Variants in SPTLC3 observed in about 807,000 individuals in gnomAD.
SPTLC3 encodes serine palmitoyltransferase 3.
A neutral mutation model predicts 59.3 loss-of-function variants in SPTLC3; 36 were observed. That is an observed-to-expected ratio of 0.61 (90% CI 0.47 to 0.80). The LOEUF is 0.80. Ranked by LOEUF, SPTLC3 falls within the 30% of genes least tolerant of loss-of-function variation. The pLI, the probability that SPTLC3 is intolerant of heterozygous loss-of-function variation, is 0.00. For synonymous variants in SPTLC3, 257 were observed against 240.8 expected (o/e 1.07, Z -0.62); for missense variants, 625 against 685.1 (o/e 0.91, Z 0.98).
intron 4 of SPTLC3, chr20:13,079,602 G>A (rs1988768472): frequency 4.0e-6 from 1 of 249,538 alleles, no homozygotes; most frequent in African/African-American, 2.4e-5. Flanking sequence ...AATATGAAAT[G>A]CACTTGTGTG....
intron 6 of SPTLC3, among the ~76,000 whole-genome samples, chr20:13,102,601 G>A (rs531872574): frequency 6.6e-6 from 1 of 152,056 alleles, no homozygotes; most frequent in Non-Finnish European, 1.5e-5. Context: ...TCCATCTCCC[G>A]TACACCTCTC....
intron 1 of SPTLC3, among the ~76,000 whole-genome samples, chr20:13,034,666 G>A (rs6041781): frequency 0.14 from 21,409 of 152,050 alleles, 2,276 homozygotes; most frequent in African/African-American, 0.3. Flanking sequence ...GAGACCTTCA[G>A]TAAAATTTAA....
chr20:13,127,177 C>T (rs1425339571), intron 9 of SPTLC3, among the ~76,000 whole-genome samples: 1 of 152,238 alleles, frequency 6.6e-6, no homozygotes, highest in Admixed American at 6.5e-5. Flanking sequence ...ACAAAACACA[C>T]ACAATAAGCT....
intron 8 of SPTLC3, 88 bp from the exon 9 acceptor site, chr20:13,126,502 AT>A (rs1316453038): frequency 1.7e-5 from 25 of 1,456,376 alleles, no homozygotes; most frequent in Non-Finnish European, 2.3e-5. Flanking sequence ...GTCTTTTGCT[AT>A]GAGGATAGGG....
intron 1 of SPTLC3, among the ~76,000 whole-genome samples, chr20:13,040,231 AT>A (rs1171066604): frequency 6.6e-6 from 1 of 152,086 alleles, no homozygotes; most frequent in African/African-American, 2.4e-5. Context: ...CTCACATCCA[AT>A]TTCTTTGTGC....
intron 9 of SPTLC3, among the ~76,000 whole-genome samples, chr20:13,149,613 G>A (rs997254386): frequency 7.2e-5 from 11 of 152,362 alleles, no homozygotes; most frequent in Middle Eastern, 3.4e-3. Context: ...CAACCACAAA[G>A]TGTGTCATAA....
At chr20:13,045,258 A>C (rs1987182151) in intron 1 of SPTLC3, among the ~76,000 whole-genome samples, 1 of 152,156 alleles carries the variant, frequency 6.6e-6, no homozygotes, top group Non-Finnish European at 1.5e-5. Flanking sequence ...CCAAACGACT[A>C]GATACTGTAG....
At chr20:13,144,529 C>G (rs7263202) in intron 9 of SPTLC3, among the ~76,000 whole-genome samples, 4,982 of 152,250 alleles carry the variant, frequency 0.033, 250 homozygotes, top group African/African-American at 0.11. Flanking sequence ...ACCTAACGCA[C>G]AAATCTATTG....
chr20:13,079,332 T>G (rs993987227), intron 4 of SPTLC3, among the ~76,000 whole-genome samples: 13 of 152,116 alleles, frequency 8.5e-5, no homozygotes, highest in African/African-American at 3.1e-4. Context: ...TCAGATCAGG[T>G]GAGAAAAGGA....
chr20:13,012,969 A>G (rs1218509312), intron 1 of SPTLC3, among the ~76,000 whole-genome samples: 3 of 152,206 alleles, frequency 2.0e-5, no homozygotes, highest in Admixed American at 6.5e-5. Context: ...GGAACTCCAG[A>G]GATGAATGTA....
intron 1 of SPTLC3, among the ~76,000 whole-genome samples, chr20:13,048,733 T>C (rs1269543359): frequency 2.6e-5 from 4 of 152,218 alleles, no homozygotes; most frequent in Non-Finnish European, 5.9e-5. Flanking sequence ...TGAGTTTCTG[T>C]TGAGAACTTT....
intron 1 of SPTLC3, among the ~76,000 whole-genome samples, chr20:13,015,391 C>T (rs952307603): frequency 5.3e-5 from 8 of 152,076 alleles, no homozygotes; most frequent in Non-Finnish European, 1.2e-4. Context: ...GAAGTAAAAA[C>T]TCCTTTACAA....
intron 1 of SPTLC3, among the ~76,000 whole-genome samples, chr20:13,009,927 C>A (rs565112415): frequency 2.2e-4 from 33 of 152,234 alleles, no homozygotes; most frequent in African/African-American, 7.2e-4. Context: ...TGAAATGTGA[C>A]GTCACAGACA....
chr20:13,085,608 AAAG>A (rs546240987), intron 4 of SPTLC3, among the ~76,000 whole-genome samples: 128 of 152,342 alleles, frequency 8.4e-4, no homozygotes, highest in African/African-American at 3.0e-3. Flanking sequence ...GTGGGCTACA[AAAG>A]AAGAATTGGT....
At chr20:13,101,253 T>C (rs1989589880) in intron 6 of SPTLC3, among the ~76,000 whole-genome samples, 1 of 152,196 alleles carries the variant, frequency 6.6e-6, no homozygotes, top group African/African-American at 2.4e-5. Flanking sequence ...GAATGGCCTG[T>C]GTTTGCATGA....
chr20:13,021,651 G>C (rs6078888), intron 1 of SPTLC3, among the ~76,000 whole-genome samples: 1 of 146,590 alleles, frequency 6.8e-6, no homozygotes, highest in East Asian at 2.1e-4. Context: ...GTTCAGCTTA[G>C]ATTGTGTGGT....
Position 13,091,012 on chromosome 20 carries a change from T to C in SPTLC3, c.608-71T>C, listed in dbSNP as rs925819092. On this transcript the variant is annotated intron_variant, in intron 4 of 11. Coordinates refer to ENST00000399002, the MANE Select transcript of SPTLC3 (RefSeq NM_018327.4). ...AGGTCTTTTGGTGATGTGTACGTAC[T>C]GGAATTTGAGTTTTCAATCTTGGCC... 139 of 1,589,418 alleles carry C rather than the reference T, an allele frequency of 8.7e-5. No individual in the cohort carries two copies. In the East Asian group the frequency reaches 2.1e-3, roughly 24 times the overall value.
In SPTLC3 at chr20:13,009,370, G is replaced by A. The variant is rs1475878027; in HGVS notation, c.103G>A (p.Val35Met). 2.5e-6 allele frequency: 4 copies of A among 1,613,882 alleles called. No homozygotes were observed. The highest frequency in any genetic ancestry group is 2.5e-6 in the Non-Finnish European group (3 of 1,179,924). ...CAGAAACTGCACAAAGAATGGAATA[G>A]TGAAGGAAGCCCAGGTAAGAGGCAC... ...QSRNCTKNGI[V>M]KEAQQNGKPH... The change falls in exon 1 of 12, where the codon GTG (valine) becomes ATG (methionine). Residue 35 changes from valine to methionine, a missense_variant. Physicochemically the swap from Val to Met is conservative, Grantham distance 21 (BLOSUM62 1). Coordinates refer to ENST00000399002, the MANE Select transcript of SPTLC3 (RefSeq NM_018327.4).
At chr20:13,161,477 C>G (rs2038894902) in intron 11 of SPTLC3, among the ~76,000 whole-genome samples, 1 of 152,150 alleles carries the variant, frequency 6.6e-6, no homozygotes, top group Non-Finnish European at 1.5e-5. Context: ...CAAGAGTGAA[C>G]AGGGCAGACT....
Sources: allele counts gnomAD v4.1 joint callset (sites outside exome capture counted in the v4.1 genomes callset), GRCh38; gene constraint gnomAD v4.1.1; transcripts MANE v1.5; gene names NCBI Gene and HGNC (gene_info 2026-07-23, HGNC 2026-07-21).